The following NALF1 variants were observed in gnomAD, a reference collection of about 807,000 sequenced individuals.
The protein encoded by NALF1 is family with sequence similarity 155 member A.
Under a neutral mutation model 48.4 loss-of-function variants are expected in NALF1, and 3 were observed. That is an observed-to-expected ratio of 0.06 (90% confidence interval 0.03 to 0.16). NALF1 has a LOEUF of 0.16. Ranked by LOEUF, NALF1 falls within the 10% of genes least tolerant of loss-of-function variation. The pLI, the probability that NALF1 is intolerant of heterozygous loss-of-function variation, is 1.00. For synonymous variants in NALF1, 262 were observed against 245.7 expected, an observed-to-expected ratio of 1.07 and a Z score of -0.62; for missense variants, 526 against 571.5, an observed-to-expected ratio of 0.92 and a Z score of 0.81.
intron 1 of NALF1, among the ~76,000 whole-genome samples, chr13:107,558,652 A>G (rs893377803): frequency 6.6e-6 from 1 of 152,114 alleles, no homozygotes; most frequent in African/African-American, 2.4e-5. Context: ...AGTAAATTTT[A>G]TGTGTCCATT....
intron 1 of NALF1, among the ~76,000 whole-genome samples, chr13:107,283,640 A>C (rs1881432280): frequency 6.8e-6 from 1 of 147,726 alleles, no homozygotes; most frequent in South Asian, 2.2e-4. Context: ...TTATTTATTT[A>C]TTTATTTATT....
intron 1 of NALF1, among the ~76,000 whole-genome samples, chr13:107,782,166 G>A (rs1877910299): frequency 6.6e-6 from 1 of 152,186 alleles, no homozygotes; most frequent in Non-Finnish European, 1.5e-5. Flanking sequence ...TGATTCTCCT[G>A]CCTCAGCCTG....
At chr13:107,536,097 C>T (rs1036663518) in intron 1 of NALF1, among the ~76,000 whole-genome samples, 1 of 152,032 alleles carries the variant, frequency 6.6e-6, no homozygotes, top group Non-Finnish European at 1.5e-5. Flanking sequence ...TAAAGAATTA[C>T]ATGTTAGACC....
intron 1 of NALF1, among the ~76,000 whole-genome samples, chr13:107,707,255 T>C (rs3928891): frequency 0.86 from 130,791 of 152,216 alleles, 57,054 homozygotes; most frequent in Non-Finnish European, 0.94. Flanking sequence ...TCACTAGACA[T>C]TTCAGGTAGG....
intron 1 of NALF1, among the ~76,000 whole-genome samples, chr13:107,671,367 T>C (rs952825551): frequency 2.0e-5 from 3 of 152,118 alleles, no homozygotes; most frequent in Non-Finnish European, 2.9e-5. Flanking sequence ...GAAGGAAAGA[T>C]GGATTATTCA....
At chr13:107,509,531 C>T (rs1875810816) in intron 1 of NALF1, among the ~76,000 whole-genome samples, 1 of 152,086 alleles carries the variant, frequency 6.6e-6, no homozygotes, top group Non-Finnish European at 1.5e-5. Context: ...TCAGTTTGTC[C>T]TTGAGCTGTA....
At chr13:107,292,262 A>T (rs1305683343) in intron 1 of NALF1, among the ~76,000 whole-genome samples, 2 of 152,228 alleles carry the variant, frequency 1.3e-5, no homozygotes, top group Non-Finnish European at 2.9e-5. Flanking sequence ...ATACACCTGT[A>T]TAGGGCACAT....
chr13:107,307,821 G>T, intron 1 of NALF1, among the ~76,000 whole-genome samples: 1 of 152,010 alleles, frequency 6.6e-6, no homozygotes, highest in Admixed American at 6.6e-5. Flanking sequence ...AAATAAAATG[G>T]TTTTGTGACT....
In NALF1 at chr13:107,165,682, T is replaced by C. The variant is rs1342619629; in HGVS notation, c.*4815A>G. On this transcript the variant is annotated 3_prime_UTR_variant, in exon 3 of 3. Coordinates refer to ENST00000375915, the MANE Select transcript of NALF1 (RefSeq NM_001080396.3). ...AGTTCTTATAAATGTCATGAAGACA[T>C]TGCTTGAAAACTATACTTAGTTATT... 2.0e-5 allele frequency: 3 copies of C among 152,242 alleles called. No homozygotes were observed. The highest frequency in any genetic ancestry group is 1.3e-4 in the Admixed American group (2 of 15,284). The allele number at this position is 152,242 out of a possible 1,614,324, so 9.4% of individuals were successfully genotyped here. A position where few individuals can be genotyped will look rare whatever the true frequency, so the allele number is the denominator to read the frequency against.
At chr13:107,698,840 C>G (rs773096317) in intron 1 of NALF1, among the ~76,000 whole-genome samples, 9 of 152,032 alleles carry the variant, frequency 5.9e-5, no homozygotes, top group African/African-American at 9.7e-5. Flanking sequence ...GGAGCACACC[C>G]CTCCTTTTTC....
At position 107,429,269 on chromosome 13, in the gene NALF1, C is replaced by A. The variant is rs897574990; in HGVS notation, c.916-218514G>T. Reference sequence around the variant, plus strand: ...CCCGGGACATGGAGGTTGCAGTGAGCCATGATTGTGCCACTGCACTCCAGC... The same window carrying A: ...CCCGGGACATGGAGGTTGCAGTGAGACATGATTGTGCCACTGCACTCCAGC... On this transcript the variant is annotated intron_variant, in intron 1 of 2. Coordinates refer to ENST00000375915, the MANE Select transcript of NALF1 (RefSeq NM_001080396.3). 4.6e-5 allele frequency among the ~76,000 whole-genome samples: 7 copies of A among 151,664 alleles called. No individual in the cohort carries two copies. In the East Asian group the frequency reaches 1.2e-3, roughly 25 times the overall value.
At chr13:107,789,551 G>C (rs1028272951) in intron 1 of NALF1, among the ~76,000 whole-genome samples, 2 of 152,162 alleles carry the variant, frequency 1.3e-5, no homozygotes, top group African/African-American at 4.8e-5. Context: ...AAGAGCAAGA[G>C]TGAAAAAGAA....
chr13:107,840,805 G>C (rs1256034166), intron 1 of NALF1, among the ~76,000 whole-genome samples: 1 of 151,836 alleles, frequency 6.6e-6, no homozygotes, highest in Admixed American at 6.6e-5. Flanking sequence ...ACACACCCTG[G>C]TCTTTCTAGT....
rs564342966 is a variant in NALF1 at position 107,833,215 on chromosome 13, C to A, written c.915+32467G>T. 2.6e-5 allele frequency among the ~76,000 whole-genome samples: 4 copies of A among 152,318 alleles called. No homozygotes were observed. In the South Asian group the frequency reaches 6.2e-4, roughly 24 times the overall value. ...TGAATAATTTGAACTGCTTCCGGAACAAGAACAAGGTCTACATTGCTCACC... is the reference window on the plus strand; with the variant it reads ...TGAATAATTTGAACTGCTTCCGGAAAAAGAACAAGGTCTACATTGCTCACC... On this transcript the variant is annotated intron_variant, in intron 1 of 2. Transcript: ENST00000375915.
At chr13:107,465,940 T>A (rs1057477759) in intron 1 of NALF1, 1 of 152,626 alleles carries the variant, frequency 6.6e-6, no homozygotes, top group African/African-American at 2.4e-5. Context: ...ACTGTATTAG[T>A]CTGTTTTCAC....
chr13:107,824,786 ACGTGGTGTTCAG>A (rs1422773464), intron 1 of NALF1, among the ~76,000 whole-genome samples: 10 of 152,238 alleles, frequency 6.6e-5, no homozygotes, highest in Admixed American at 5.9e-4. Flanking sequence ...ATGCAGGTGC[ACGTGGTGTTCAG>A]TGAGTATGGA....
chr13:107,227,748 T>C (rs1040827931), intron 1 of NALF1, among the ~76,000 whole-genome samples: 2 of 152,208 alleles, frequency 1.3e-5, no homozygotes, highest in African/African-American at 4.8e-5. Context: ...CCTTCAGCAT[T>C]TATTATTTGT....
At chr13:107,328,273 TACAC>T (rs34987619) in intron 1 of NALF1, among the ~76,000 whole-genome samples, 38,394 of 143,822 alleles carry the variant, frequency 0.27, 5,575 homozygotes, top group African/African-American at 0.41. Flanking sequence ...TCTCCTGCAA[TACAC>T]ACACACACAC....
chr13:107,749,391 C>G lies in NALF1; in HGVS notation c.915+116291G>C, dbSNP rs572405141. Among the ~76,000 whole-genome samples, 3 of 152,140 alleles carry G rather than the reference C, an allele frequency of 2.0e-5. No individual in the cohort carries two copies. The South Asian group carries it at 6.2e-4, about 32-fold the overall frequency. On this transcript the variant is annotated intron_variant, in intron 1 of 2. Transcript: ENST00000375915. Reference sequence around the variant, plus strand: ...ATGTGAATCACCACAGCAGCCCCGCCTAGCAAATGCAGTGCAAACCACATA... The same window carrying G: ...ATGTGAATCACCACAGCAGCCCCGCGTAGCAAATGCAGTGCAAACCACATA...
Sources: gnomAD v4.1 joint callset for allele counts (sites outside exome capture counted in the v4.1 genomes callset) on GRCh38, gnomAD v4.1.1 for gene constraint, MANE v1.5 for transcripts, NCBI Gene and HGNC (gene_info 2026-07-23, HGNC 2026-07-21) for gene names.